The following NPAS3 variants were observed in gnomAD, a reference collection of about 807,000 sequenced individuals.
NPAS3 encodes the protein neuronal PAS domain protein 3, also known as neuronal PAS domain-containing protein 3.
NPAS3 carries 14 observed loss-of-function variants against 73.1 expected under a neutral mutation model. That is an observed-to-expected ratio of 0.19 (90% CI 0.13 to 0.30). NPAS3 has a LOEUF of 0.30. Among genes scored for constraint, NPAS3 ranks in the 10% least tolerant of loss-of-function variants. The probability of loss-of-function intolerance (pLI) is 1.00; values close to 1 mark genes in which losing one functional copy is unlikely to be tolerated. For missense variants in NPAS3, 1,096 were observed against 1,250.0 expected (o/e 0.88, Z 1.86); for synonymous variants, 620 against 541.5 (o/e 1.14, Z -2.01).
At chr14:33,732,359 AG>A (rs2061422770) in intron 6 of NPAS3, among the ~76,000 whole-genome samples, 1 of 152,212 alleles carries the variant, frequency 6.6e-6, no homozygotes. Context: ...ACAGTTCAAA[AG>A]CATCTCTTCT....
chr14:32,940,445 C>A (rs1038809161), intron 1 of NPAS3, among the ~76,000 whole-genome samples: 17 of 152,132 alleles, frequency 1.1e-4, no homozygotes, highest in African/African-American at 3.9e-4. Flanking sequence ...TAATTGGCAA[C>A]GTTAATGACA....
chr14:32,990,429 A>G (rs1257129144), intron 1 of NPAS3, among the ~76,000 whole-genome samples: 1 of 152,200 alleles, frequency 6.6e-6, no homozygotes, highest in African/African-American at 2.4e-5. Context: ...AATTTTCCAG[A>G]TAGGTTGATG....
At chr14:33,520,331 G>T (rs1361089661) in intron 4 of NPAS3, among the ~76,000 whole-genome samples, 2 of 152,020 alleles carry the variant, frequency 1.3e-5, no homozygotes, top group East Asian at 3.9e-4. Context: ...ACGAAATAGG[G>T]TCTATTAATC....
At chr14:33,752,734 C>T (rs78495155) in intron 7 of NPAS3, among the ~76,000 whole-genome samples, 1 of 152,156 alleles carries the variant, frequency 6.6e-6, no homozygotes, top group Non-Finnish European at 1.5e-5. Flanking sequence ...CCTTCTCCGT[C>T]AAGGAAAATT....
At chr14:33,480,715 T>A (rs1459333899) in intron 4 of NPAS3, among the ~76,000 whole-genome samples, 2 of 151,866 alleles carry the variant, frequency 1.3e-5, no homozygotes, top group Admixed American at 6.6e-5. Context: ...TGGCAGGCAT[T>A]TAAAACCCTG....
chr14:33,560,315 G>A, intron 5 of NPAS3, 105 bp downstream of exon 5: 2 of 604,280 alleles, frequency 3.3e-6, no homozygotes, highest in Admixed American at 2.5e-5. Flanking sequence ...ATTATCAAAT[G>A]TATTATTTAA....
chr14:33,409,788 A>G (rs192703759), intron 4 of NPAS3, among the ~76,000 whole-genome samples: 1 of 152,192 alleles, frequency 6.6e-6, no homozygotes, highest in African/African-American at 2.4e-5. Flanking sequence ...GTAGTCTTCT[A>G]GTGACTACGA....
chr14:33,621,630 C>T (rs1446251368), intron 5 of NPAS3, among the ~76,000 whole-genome samples: 1 of 152,124 alleles, frequency 6.6e-6, no homozygotes, highest in Non-Finnish European at 1.5e-5. Context: ...TCTTTCCCTT[C>T]TGATGGATGT....
At chr14:33,429,327 A>T (rs1437885163) in intron 4 of NPAS3, among the ~76,000 whole-genome samples, 2 of 152,142 alleles carry the variant, frequency 1.3e-5, no homozygotes, top group African/African-American at 4.8e-5. Context: ...ACTTAAATCC[A>T]GGATGGTGGT....
chr14:33,471,503 G>T (rs534919081), intron 4 of NPAS3, among the ~76,000 whole-genome samples: 20 of 152,218 alleles, frequency 1.3e-4, no homozygotes, highest in African/African-American at 4.6e-4. Context: ...AGCGATTTTT[G>T]CCCTGGCTCT....
chr14:33,040,220 G>T (rs1224250961), intron 1 of NPAS3, among the ~76,000 whole-genome samples: 2 of 152,060 alleles, frequency 1.3e-5, no homozygotes, highest in African/African-American at 2.4e-5. Flanking sequence ...TGTCATTTTA[G>T]CTGTTTTCAA....
At chr14:33,386,654 A>C (rs1202705131) in intron 4 of NPAS3, among the ~76,000 whole-genome samples, 2 of 152,090 alleles carry the variant, frequency 1.3e-5, no homozygotes, top group Admixed American at 6.6e-5. Flanking sequence ...ATTTATCAAC[A>C]GTTTTGGAGG....
At chr14:33,001,169 A>G (rs2038791595) in intron 1 of NPAS3, among the ~76,000 whole-genome samples, 1 of 152,182 alleles carries the variant, frequency 6.6e-6, no homozygotes, top group African/African-American at 2.4e-5. Flanking sequence ...GCTACATTCT[A>G]GGTTCTAGGA....
intron 3 of NPAS3, among the ~76,000 whole-genome samples, chr14:33,281,598 C>T (rs2041612180): frequency 6.6e-6 from 1 of 152,184 alleles, no homozygotes; most frequent in Non-Finnish European, 1.5e-5. Context: ...CGTCATTGCA[C>T]TCCAGCGGTG....
At chr14:33,502,280 T>C (rs2052554857) in intron 4 of NPAS3, among the ~76,000 whole-genome samples, 1 of 151,764 alleles carries the variant, frequency 6.6e-6, no homozygotes, top group African/African-American at 2.4e-5. Context: ...CCATTTTTTT[T>C]TTAACACTTT....
chr14:33,043,581 T>C (rs922555827), intron 1 of NPAS3, among the ~76,000 whole-genome samples: 3 of 152,180 alleles, frequency 2.0e-5, no homozygotes, highest in African/African-American at 4.8e-5. Context: ...TTAATTGTTA[T>C]AATGAATAGA....
At chr14:33,097,659 T>C (rs1309181457) in intron 2 of NPAS3, among the ~76,000 whole-genome samples, 1 of 152,244 alleles carries the variant, frequency 6.6e-6, no homozygotes, top group African/African-American at 2.4e-5. Flanking sequence ...AGTAACTCTT[T>C]ATCTTTGCCA....
intron 4 of NPAS3, among the ~76,000 whole-genome samples, chr14:33,450,492 T>A (rs1390061648): frequency 6.6e-6 from 1 of 152,200 alleles, no homozygotes; most frequent in Non-Finnish European, 1.5e-5. Flanking sequence ...ATTCATGAAA[T>A]GAGATAGATC....
intron 4 of NPAS3, among the ~76,000 whole-genome samples, chr14:33,397,131 C>T (rs979585511): frequency 6.6e-6 from 1 of 152,140 alleles, no homozygotes; most frequent in Non-Finnish European, 1.5e-5. Context: ...GTAATAATGA[C>T]ACCTAAGAGG....
Sources: allele counts gnomAD v4.1 joint callset (sites outside exome capture counted in the v4.1 genomes callset), GRCh38; gene constraint gnomAD v4.1.1; transcripts MANE v1.5; gene names NCBI Gene and HGNC (gene_info 2026-07-23, HGNC 2026-07-21).